Variants in HS3ST3A1 observed in about 807,000 individuals in gnomAD.
The protein encoded by HS3ST3A1 is heparan sulfate glucosamine 3-O-sulfotransferase 3A1.
A neutral mutation model predicts 25.7 loss-of-function variants in HS3ST3A1; 19 were observed. The ratio of observed to expected loss-of-function variants is 0.74; its 90% CI spans 0.52 to 1.08. The LOEUF (loss-of-function observed/expected upper bound fraction) is 1.08. HS3ST3A1 is among the 50% of genes least tolerant of loss of function. HS3ST3A1 has a pLI of 0.00. For missense variants in HS3ST3A1, 459 were observed against 594.3 expected, an observed-to-expected ratio of 0.77 and a Z score of 2.37; for synonymous variants, 226 against 278.6, an observed-to-expected ratio of 0.81 and a Z score of 1.88.
At chr17:13,533,438 T>C (rs1906672325) in intron 1 of HS3ST3A1, among the ~76,000 whole-genome samples, 1 of 151,770 alleles carries the variant, frequency 6.6e-6, no homozygotes, top group Non-Finnish European at 1.5e-5. Context: ...GAGACTCTGT[T>C]TTCAATGAGT....
chr17:13,497,728 A>G (rs1905330338), intron 1 of HS3ST3A1, among the ~76,000 whole-genome samples: 1 of 152,224 alleles, frequency 6.6e-6, no homozygotes, highest in Admixed American at 6.5e-5. Context: ...TAAATGCACT[A>G]TTTGTTGAGA....
At chr17:13,551,987 A>G (rs1598424168) in intron 1 of HS3ST3A1, among the ~76,000 whole-genome samples, 1 of 152,240 alleles carries the variant, frequency 6.6e-6, no homozygotes, top group African/African-American at 2.4e-5. Flanking sequence ...CCACCTGCAC[A>G]GGACACTGAT....
At chr17:13,532,829 G>A (rs920528083) in intron 1 of HS3ST3A1, among the ~76,000 whole-genome samples, 1 of 146,144 alleles carries the variant, frequency 6.8e-6, no homozygotes, top group African/African-American at 2.5e-5. Context: ...AGACATATTT[G>A]CAACTAGTAA....
At chr17:13,560,386 G>C (rs117744709) in intron 1 of HS3ST3A1, among the ~76,000 whole-genome samples, 2,089 of 140,004 alleles carry the variant, frequency 0.015, 31 homozygotes, top group East Asian at 0.039. Context: ...TTGCTTCTCT[G>C]TGTGTGTGTA....
chr17:13,505,322 C>T (rs1160058234), intron 1 of HS3ST3A1, among the ~76,000 whole-genome samples: 4 of 152,120 alleles, frequency 2.6e-5, no homozygotes, highest in African/African-American at 7.2e-5. Flanking sequence ...AGAACTAAAT[C>T]CTGAATTGAA....
At position 13,560,289 on chromosome 17, in the gene HS3ST3A1, CAAAA is replaced by C. The variant is rs10632927; in HGVS notation, c.599+40238_599+40241del. On this transcript the variant is annotated intron_variant, in intron 1 of 1. Coordinates refer to ENST00000284110, the MANE Select transcript of HS3ST3A1 (RefSeq NM_006042.3). ...TGGGCAACAGAGGGACACTCGTCTC[CAAAA>C]AAAAAAAAAAAAAAAAAAAAAAAAA... Among the ~76,000 whole-genome samples, 66 of 17,366 alleles carry C rather than the reference CAAAA, an allele frequency of 3.8e-3. No homozygotes were observed. The East Asian group carries it at 0.066, about 17-fold the overall frequency. 11.4% of individuals were successfully genotyped at this position (17,366 alleles called of 152,430 possible).
intron 1 of HS3ST3A1, among the ~76,000 whole-genome samples, chr17:13,557,086 C>T (rs572636947): frequency 6.6e-6 from 1 of 152,234 alleles, no homozygotes; most frequent in East Asian, 1.9e-4. Context: ...AAACTTCCAA[C>T]AAACAAAAGG....
At chr17:13,519,781 G>GA (rs371054464) in intron 1 of HS3ST3A1, among the ~76,000 whole-genome samples, 11 of 148,314 alleles carry the variant, frequency 7.4e-5, no homozygotes, top group Admixed American at 2.0e-4. Flanking sequence ...ACCAAGTCTA[G>GA]AAAAAAAAAA....
chr17:13,536,605 C>T (rs780657394), intron 1 of HS3ST3A1, among the ~76,000 whole-genome samples: 1 of 152,164 alleles, frequency 6.6e-6, no homozygotes, highest in Non-Finnish European at 1.5e-5. Flanking sequence ...TGACCACGCC[C>T]ACGTTTAACA....
chr17:13,496,993 T>G (rs934843054), intron 1 of HS3ST3A1, among the ~76,000 whole-genome samples, 175 bp from the exon 2 acceptor site: 1 of 152,158 alleles, frequency 6.6e-6, no homozygotes, highest in Non-Finnish European at 1.5e-5. Flanking sequence ...CCTCGTGTAT[T>G]AAACGGAGAA....
At chr17:13,511,921 T>C (rs922656578) in intron 1 of HS3ST3A1, among the ~76,000 whole-genome samples, 3 of 152,188 alleles carry the variant, frequency 2.0e-5, no homozygotes, top group African/African-American at 7.2e-5. Context: ...CACGTGGAAA[T>C]AATTTTCATT....
chr17:13,508,375 A>C (rs1905755190), intron 1 of HS3ST3A1, among the ~76,000 whole-genome samples: 1 of 152,212 alleles, frequency 6.6e-6, no homozygotes, highest in South Asian at 2.1e-4. Flanking sequence ...AAAGATAACG[A>C]ATCCATCTGT....
chr17:13,574,134 C>CTTTTTT (rs557193269), intron 1 of HS3ST3A1, among the ~76,000 whole-genome samples: 1 of 126,042 alleles, frequency 7.9e-6, no homozygotes. Flanking sequence ...CCATATCACT[C>CTTTTTT]TTTTTTTTTT....
chr17:13,551,326 C>T (rs1473365516), intron 1 of HS3ST3A1, among the ~76,000 whole-genome samples: 16 of 149,716 alleles, frequency 1.1e-4, no homozygotes, highest in Admixed American at 8.7e-4. Flanking sequence ...TCCAGCCTGG[C>T]GACACGGAGA....
intron 1 of HS3ST3A1, among the ~76,000 whole-genome samples, chr17:13,518,401 C>T (rs562857193): frequency 3.3e-5 from 5 of 152,238 alleles, no homozygotes; most frequent in African/African-American, 1.2e-4. Context: ...CAAAACAAGT[C>T]ATAAAACAAT....
chr17:13,509,160 T>C (rs1905781178), intron 1 of HS3ST3A1, among the ~76,000 whole-genome samples: 1 of 149,734 alleles, frequency 6.7e-6, no homozygotes, highest in Non-Finnish European at 1.5e-5. Context: ...GACGGGGGAG[T>C]TGGGCTTTAG....
intron 1 of HS3ST3A1, among the ~76,000 whole-genome samples, chr17:13,516,579 C>T (rs1906061521): frequency 6.6e-6 from 1 of 152,156 alleles, no homozygotes; most frequent in African/African-American, 2.4e-5. Context: ...TTTTAACAGG[C>T]AAGTTGTACA....
chr17:13,541,928 T>C (rs890511357), intron 1 of HS3ST3A1, among the ~76,000 whole-genome samples: 1 of 152,210 alleles, frequency 6.6e-6, no homozygotes, highest in Non-Finnish European at 1.5e-5. Context: ...ACTTCATTGA[T>C]ACCTGGAATG....
At chr17:13,505,239 G>A (rs1316722830) in intron 1 of HS3ST3A1, among the ~76,000 whole-genome samples, 1 of 152,170 alleles carries the variant, frequency 6.6e-6, no homozygotes, top group Non-Finnish European at 1.5e-5. Context: ...CGGCTCCAAT[G>A]GAGCAAATTC....
Sources: gnomAD v4.1 joint callset for allele counts (sites outside exome capture counted in the v4.1 genomes callset) on GRCh38, gnomAD v4.1.1 for gene constraint, MANE v1.5 for transcripts, NCBI Gene and HGNC (gene_info 2026-07-23, HGNC 2026-07-21) for gene names.